The following FSHR variants were observed in gnomAD, a reference collection of about 807,000 sequenced individuals.
The protein encoded by FSHR is follicle stimulating hormone receptor, also known as follicle-stimulating hormone receptor.
FSHR carries 46 observed loss-of-function variants against 52.1 expected under a neutral mutation model. The ratio of observed to expected loss-of-function variants is 0.88; its 90% CI spans 0.70 to 1.13. The LOEUF is 1.13. Among genes scored for constraint, FSHR ranks in the 50% most tolerant of loss-of-function variants. The probability of loss-of-function intolerance (pLI) is 0.00; values close to 1 mark genes in which losing one functional copy is unlikely to be tolerated. For synonymous variants in FSHR, 399 were observed against 309.6 expected (o/e 1.29, Z -3.03); for missense variants, 964 against 834.6 (o/e 1.16, Z -1.91).
intron 1 of FSHR, among the ~76,000 whole-genome samples, chr2:49,092,825 G>A (rs6718815): frequency 6.6e-5 from 10 of 151,602 alleles, no homozygotes; most frequent in South Asian, 4.2e-4. Flanking sequence ...ACCACCATGC[G>A]CAGCTATTTT....
intron 1 of FSHR, among the ~76,000 whole-genome samples, chr2:49,121,348 TG>T (rs1345337197): frequency 6.6e-6 from 1 of 152,210 alleles, no homozygotes; most frequent in Non-Finnish European, 1.5e-5. Flanking sequence ...TTTTCCTTTG[TG>T]GAACCAAATA....
intron 1 of FSHR, among the ~76,000 whole-genome samples, chr2:49,102,271 C>T (rs750544761): frequency 3.3e-5 from 5 of 152,140 alleles, no homozygotes; most frequent in Non-Finnish European, 5.9e-5. Flanking sequence ...CTATAGTCAT[C>T]CTCCTTTGGG....
chr2:49,065,451 G>T (rs1669465832), intron 2 of FSHR, among the ~76,000 whole-genome samples: 1 of 152,078 alleles, frequency 6.6e-6, no homozygotes, highest in South Asian at 2.1e-4. Flanking sequence ...TTGGCATAAG[G>T]GATAGAGAAT....
intron 1 of FSHR, among the ~76,000 whole-genome samples, chr2:49,083,309 A>G (rs1488582487): frequency 6.7e-6 from 1 of 149,210 alleles, no homozygotes; most frequent in African/African-American, 2.5e-5. Flanking sequence ...AGATTTTGTC[A>G]CCACCAGGCC....
At chr2:49,010,341 T>C (rs1438262079) in intron 4 of FSHR, among the ~76,000 whole-genome samples, 3 of 149,274 alleles carry the variant, frequency 2.0e-5, no homozygotes, top group African/African-American at 4.9e-5. Flanking sequence ...TATTGATTTG[T>C]GTATATTGAA....
At chr2:49,045,348 T>C (rs993849701) in intron 2 of FSHR, among the ~76,000 whole-genome samples, 7 of 152,188 alleles carry the variant, frequency 4.6e-5, no homozygotes, top group Admixed American at 2.0e-4. Flanking sequence ...AATCAGACTC[T>C]CCACAGTAGT....
chr2:49,040,834 G>A (rs1046229163), intron 2 of FSHR, among the ~76,000 whole-genome samples: 1 of 86,968 alleles, frequency 1.1e-5, no homozygotes, highest in African/African-American at 4.8e-5. Context: ...CATACTCAAG[G>A]GGATGTGCTG....
chr2:49,040,509 T>C (rs1260101277), intron 2 of FSHR, among the ~76,000 whole-genome samples: 1 of 152,254 alleles, frequency 6.6e-6, no homozygotes, highest in African/African-American at 2.4e-5. Context: ...CTGTCTGTTT[T>C]GTCAAGGTTG....
chr2:49,121,655 GAT>G (rs1216131413), intron 1 of FSHR, among the ~76,000 whole-genome samples: 1 of 152,152 alleles, frequency 6.6e-6, no homozygotes, highest in Non-Finnish European at 1.5e-5. Flanking sequence ...TGTCATTCTG[GAT>G]ACCTTGGTGC....
chr2:49,062,930 C>A (rs1669367129), intron 2 of FSHR, among the ~76,000 whole-genome samples: 2 of 151,938 alleles, frequency 1.3e-5, no homozygotes, highest in South Asian at 4.1e-4. Context: ...AAAACATAAA[C>A]AAATACTGGC....
At chr2:49,072,946 G>A (rs1669792060) in intron 1 of FSHR, among the ~76,000 whole-genome samples, 1 of 152,080 alleles carries the variant, frequency 6.6e-6, no homozygotes, top group South Asian at 2.1e-4. Context: ...AATTCATTAT[G>A]ACCTTGTTGA....
intron 1 of FSHR, among the ~76,000 whole-genome samples, chr2:49,142,131 G>A (rs1325543921): frequency 6.6e-6 from 1 of 152,174 alleles, no homozygotes; most frequent in Non-Finnish European, 1.5e-5. Context: ...TATGTATTGA[G>A]TGTTTACTCT....
At chr2:49,125,115 T>C (rs905654692) in intron 1 of FSHR, among the ~76,000 whole-genome samples, 2 of 152,202 alleles carry the variant, frequency 1.3e-5, no homozygotes, top group Non-Finnish European at 2.9e-5. Context: ...TTGGTTCTTT[T>C]TCTGATGGGC....
At chr2:48,972,796 C>T (rs1441240286) in intron 8 of FSHR, among the ~76,000 whole-genome samples, 1 of 152,178 alleles carries the variant, frequency 6.6e-6, no homozygotes. Flanking sequence ...ACATTTTTCA[C>T]ATTTTTCAAA....
chr2:49,066,171 A>G (rs1043595972), intron 2 of FSHR, among the ~76,000 whole-genome samples: 6 of 152,138 alleles, frequency 3.9e-5, no homozygotes, highest in African/African-American at 1.4e-4. Context: ...AAGAGAGAAG[A>G]AGGGAGCAGA....
chr2:49,127,827 T>TTCTTCTTCTTCC (rs1672091131), intron 1 of FSHR, among the ~76,000 whole-genome samples: 1 of 59,152 alleles, frequency 1.7e-5, no homozygotes, highest in Non-Finnish European at 3.1e-5. Context: ...CTTCTTCTTC[T>TTCTTCTTCTTCC]TCCTCTTCTT....
chr2:49,151,805 G>A (rs760342547), intron 1 of FSHR, among the ~76,000 whole-genome samples: 4 of 152,112 alleles, frequency 2.6e-5, no homozygotes, highest in Non-Finnish European at 4.4e-5. Flanking sequence ...CATTTACTTA[G>A]ATAACCTTGA....
chr2:49,061,638 AAT>A (rs1035341149), intron 2 of FSHR, among the ~76,000 whole-genome samples: 5 of 142,716 alleles, frequency 3.5e-5, no homozygotes, highest in African/African-American at 1.3e-4. Flanking sequence ...ATATATCTAT[AAT>A]ATATATAACT....
At chr2:49,055,762 G>C (rs1439735214) in intron 2 of FSHR, among the ~76,000 whole-genome samples, 2 of 151,742 alleles carry the variant, frequency 1.3e-5, no homozygotes, top group Non-Finnish European at 1.5e-5. Context: ...TATATTCAAA[G>C]TACTAAAAGA....
Sources: gnomAD v4.1 joint callset for allele counts (sites outside exome capture counted in the v4.1 genomes callset) on GRCh38, gnomAD v4.1.1 for gene constraint, MANE v1.5 for transcripts, NCBI Gene and HGNC (gene_info 2026-07-23, HGNC 2026-07-21) for gene names.